Variants in IL1RAPL1 observed in about 807,000 individuals in gnomAD.
IL1RAPL1 encodes interleukin-1 receptor accessory protein-like 1.
A neutral mutation model predicts 48.4 loss-of-function variants in IL1RAPL1; 3 were observed. The ratio of observed to expected loss-of-function variants is 0.06; its 90% CI spans 0.03 to 0.16. IL1RAPL1 has a LOEUF of 0.16. IL1RAPL1 is among the 10% of genes least tolerant of loss of function. The pLI, the probability that IL1RAPL1 is intolerant of heterozygous loss-of-function variation, is 1.00. For synonymous variants in IL1RAPL1, 185 were observed against 187.7 expected, an observed-to-expected ratio of 0.99 and a Z score of 0.12; for missense variants, 349 against 530.6, an observed-to-expected ratio of 0.66 and a Z score of 3.36.
chrX:29,463,833 G>A (rs1934831218), intron 5 of IL1RAPL1, among the ~76,000 whole-genome samples: 1 of 111,323 alleles, frequency 9.0e-6, no homozygotes, highest in Non-Finnish European at 1.9e-5. Context: ...TACTCTGGGG[G>A]AAACCAACAC....
chrX:28,939,818 A>T lies in IL1RAPL1; in HGVS notation c.82+150393A>T, dbSNP rs144237769. Among the ~76,000 whole-genome samples the T allele has an allele frequency of 3.5e-3, 389 of 111,639 alleles. 3 individuals carry two copies. Among genetic ancestry groups the T allele is most frequent in the African/African-American group, 0.012 (363 of 30,888 alleles). On this transcript the variant is annotated intron_variant, in intron 2 of 10. Transcript: ENST00000378993. ...AAATAACATTGAATCTCGTCATCAG[A>T]GTATCTTGGATTAGACAAATTTAGT... is the stretch of plus-strand genomic sequence containing the variant.
At position 29,705,755 on chromosome X, in the gene IL1RAPL1, G is replaced by C. The variant is rs181330215; in HGVS notation, c.778+37251G>C. Among the ~76,000 whole-genome samples the C allele has an allele frequency of 8.9e-5, 10 of 112,067 alleles. No homozygotes were observed. In the East Asian group the frequency reaches 2.5e-3, roughly 28 times the overall value. The stretch of plus-strand genomic sequence containing the variant: ...TGAGAAAACATGGACTTGAGCTTCA[G>C]ATTTAGTACTTGATACCTATGTGGA... On this transcript the variant is annotated intron_variant, in intron 6 of 10. Coordinates refer to ENST00000378993, the MANE Select transcript of IL1RAPL1 (RefSeq NM_014271.4).
chrX:28,694,965 TA>T (rs1223346985), intron 1 of IL1RAPL1, among the ~76,000 whole-genome samples: 4 of 110,990 alleles, frequency 3.6e-5, no homozygotes, highest in African/African-American at 1.3e-4. Context: ...TCATTCCTGT[TA>T]ATTTTTTTTT....
Position 28,938,775 on chromosome X carries a change from A to G in IL1RAPL1, c.82+149350A>G, listed in dbSNP as rs1052766896. 2.7e-5 allele frequency among the ~76,000 whole-genome samples: 3 copies of G among 111,220 alleles called. No homozygotes were observed. In the Admixed American group the frequency reaches 2.9e-4, roughly 11 times the overall value. ...ATGGGAGAAAACATTTGCAAACTAT[A>G]TATCTGACAAAGATATAATATCCAG... is the stretch of plus-strand genomic sequence containing the variant. On this transcript the variant is annotated intron_variant, in intron 2 of 10. Transcript: ENST00000378993.
chrX:28,742,346 A>G lies in IL1RAPL1; in HGVS notation c.-24-46974A>G, dbSNP rs191766086. Among the ~76,000 whole-genome samples, 256 of 111,811 alleles carry G rather than the reference A, an allele frequency of 2.3e-3. 1 individual carries two copies. The highest frequency in any genetic ancestry group is 7.8e-3 in the African/African-American group (242 of 30,921). On this transcript the variant is annotated intron_variant, in intron 1 of 10. Transcript: ENST00000378993. ...AGCTCTTGGCAAATAAGGAGACAATATATCTGCAGTTCAACAAAATCAATG... is the reference window on the plus strand; with the variant it reads ...AGCTCTTGGCAAATAAGGAGACAATGTATCTGCAGTTCAACAAAATCAATG...
intron 3 of IL1RAPL1, among the ~76,000 whole-genome samples, chrX:29,333,719 C>A (rs1297804510): frequency 1.2e-5 from 1 of 85,540 alleles, no homozygotes; most frequent in Non-Finnish European, 2.3e-5. Flanking sequence ...CTGACCCCCC[C>A]ACCTCCCTCC....
chrX:28,694,444 C>T (rs1935209814), intron 1 of IL1RAPL1, among the ~76,000 whole-genome samples: 1 of 111,883 alleles, frequency 8.9e-6, no homozygotes, highest in East Asian at 2.8e-4. Flanking sequence ...ATATTGCTTT[C>T]TAAGCTACCT....
At chrX:28,978,298 A>G (rs1366989555) in intron 2 of IL1RAPL1, among the ~76,000 whole-genome samples, 2 of 111,334 alleles carry the variant, frequency 1.8e-5, no homozygotes, top group Non-Finnish European at 3.8e-5. Flanking sequence ...ATGGGAAGAT[A>G]TGTTGACATG....
intron 2 of IL1RAPL1, among the ~76,000 whole-genome samples, chrX:28,873,166 A>T (rs774886021): frequency 1.1e-5 from 1 of 94,083 alleles, no homozygotes; most frequent in Non-Finnish European, 2.0e-5. Context: ...GCAGGAGCAC[A>T]GTGGCACGAT....
At chrX:28,950,919 A>C (rs1924442449) in intron 2 of IL1RAPL1, among the ~76,000 whole-genome samples, 1 of 107,591 alleles carries the variant, frequency 9.3e-6, no homozygotes, top group East Asian at 3.0e-4. Context: ...TGGCACATAT[A>C]CACCATGGAA....
chrX:28,939,156 CA>C (rs1376646416), intron 2 of IL1RAPL1, among the ~76,000 whole-genome samples: 2 of 110,901 alleles, frequency 1.8e-5, no homozygotes, highest in African/African-American at 6.5e-5. Context: ...ACAGAACTAC[CA>C]TTCACTCAGC....
intron 6 of IL1RAPL1, among the ~76,000 whole-genome samples, chrX:29,887,511 G>A (rs1056125921): frequency 7.2e-5 from 8 of 111,494 alleles, no homozygotes; most frequent in Non-Finnish European, 1.5e-4. Context: ...CATTGGTGGT[G>A]GTGAGTGAGA....
chrX:29,420,652 C>T (rs1316822304), intron 5 of IL1RAPL1, among the ~76,000 whole-genome samples: 1 of 112,246 alleles, frequency 8.9e-6, no homozygotes, highest in African/African-American at 3.2e-5. Flanking sequence ...TTGTCTTCAG[C>T]ATTATTTAGC....
chrX:29,373,893 T>TTTTTTTTTTTTGG (rs1933581334), intron 3 of IL1RAPL1, among the ~76,000 whole-genome samples: 1 of 89,360 alleles, frequency 1.1e-5, no homozygotes. Flanking sequence ...TTTTTTTTTT[T>TTTTTTTTTTTTGG]GTGACGAGGT....
chrX:29,865,867 C>A (rs1367439345), intron 6 of IL1RAPL1, among the ~76,000 whole-genome samples: 1 of 101,304 alleles, frequency 9.9e-6, no homozygotes, highest in Non-Finnish European at 2.0e-5. Context: ...TCAGACTGGT[C>A]TCGAACTCCT....
chrX:28,876,952 C>G (rs1225421644), intron 2 of IL1RAPL1, among the ~76,000 whole-genome samples: 1 of 111,876 alleles, frequency 8.9e-6, no homozygotes, highest in African/African-American at 3.2e-5. Flanking sequence ...CTGAGAAACT[C>G]ATATTTAAGG....
At chrX:28,808,689 T>G in intron 2 of IL1RAPL1, among the ~76,000 whole-genome samples, 1 of 111,279 alleles carries the variant, frequency 9.0e-6, no homozygotes, top group Admixed American at 9.6e-5. Flanking sequence ...AAATATTTTT[T>G]GGAAAACAAA....
At chrX:29,409,765 T>C (rs1934116838) in intron 5 of IL1RAPL1, among the ~76,000 whole-genome samples, 1 of 110,268 alleles carries the variant, frequency 9.1e-6, no homozygotes, top group Non-Finnish European at 1.9e-5. Flanking sequence ...TATTAATAAT[T>C]AGAATAGTTA....
At chrX:29,598,450 G>A (rs1923622198) in intron 5 of IL1RAPL1, among the ~76,000 whole-genome samples, 1 of 111,633 alleles carries the variant, frequency 9.0e-6, no homozygotes. Flanking sequence ...CCTATTATGT[G>A]GTCTATCTTG....
Sources: allele counts gnomAD v4.1 joint callset (sites outside exome capture counted in the v4.1 genomes callset), GRCh38; gene constraint gnomAD v4.1.1; transcripts MANE v1.5; gene names NCBI Gene and HGNC (gene_info 2026-07-23, HGNC 2026-07-21).